VPS51: variants seen among roughly 807,000 people sequenced by gnomAD.
The protein encoded by VPS51 is VPS51 subunit of GARP complex, also known as vacuolar protein sorting-associated protein 51 homolog.
Under a neutral mutation model 65.1 loss-of-function variants are expected in VPS51, and 55 were observed. The observed-to-expected ratio is 0.84, with a 90% CI of 0.68 to 1.06. The LOEUF (loss-of-function observed/expected upper bound fraction) is 1.06, where lower values mean the gene tolerates loss of function less well. VPS51 is among the 50% of genes least tolerant of loss of function. The probability of loss-of-function intolerance (pLI) is 0.00; values close to 1 mark genes in which losing one functional copy is unlikely to be tolerated. For synonymous variants in VPS51, 473 were observed against 489.5 expected, an observed-to-expected ratio of 0.97 and a Z score of 0.44; for missense variants, 943 against 1,101.6, an observed-to-expected ratio of 0.86 and a Z score of 2.04.
At position 65,108,190 on chromosome 11, in the gene VPS51, C is replaced by A; in HGVS notation, c.726-7C>A. The A allele has an allele frequency of 6.3e-7, 1 of 1,598,644 alleles. No individual in the cohort carries two copies. The highest frequency in any genetic ancestry group is 8.5e-7 in the Non-Finnish European group (1 of 1,176,856). On this transcript the variant is annotated splice_region_variant and splice_polypyrimidine_tract_variant and intron_variant, in intron 4 of 9. Transcript: ENST00000279281. Reference sequence around the variant, plus strand: ...GCCCTGCCCTTCACTACCTCTCCCTCGTGCAGGGAGGGCGGCTCAGGCGCC... The same window carrying A: ...GCCCTGCCCTTCACTACCTCTCCCTAGTGCAGGGAGGGCGGCTCAGGCGCC...
intron 2 of VPS51, among the ~76,000 whole-genome samples, chr11:65,102,801 G>A (rs183616263): frequency 6.6e-6 from 1 of 152,220 alleles, no homozygotes; most frequent in Admixed American, 6.5e-5. Context: ...TCACTGCATA[G>A]CGCTGCCTTT....
intron 2 of VPS51, among the ~76,000 whole-genome samples, chr11:65,097,392 G>C (rs903917236): frequency 2.0e-5 from 3 of 152,178 alleles, no homozygotes; most frequent in Admixed American, 6.5e-5. Context: ...ACAATGTCTT[G>C]TTCTGTCTCC....
intron 1 of VPS51, chr11:65,096,772 C>T (rs1446436748): frequency 1.4e-6 from 1 of 719,562 alleles, no homozygotes; most frequent in Non-Finnish European, 2.2e-6. Flanking sequence ...GGGCTTAGGC[C>T]GAGCCCCAGG....
rs769706575 is a variant in VPS51 at position 65,107,814 on chromosome 11, C to G, written c.517C>G (p.Leu173Val). ...CCTCCGTCCCCCAGGGGTCCACGCG[C>G]TGCTGCGGAAGCTGCAGTTCCTCTT... ...RITKLAGVHALLRKLQFLFEL... is the reference protein window; with the variant it reads ...RITKLAGVHAVLRKLQFLFEL... Residue 173 changes from leucine (L) to valine (V), a missense_variant, in exon 4 of 10, where the codon CTG becomes GTG. Coordinates refer to ENST00000279281, the MANE Select transcript of VPS51 (RefSeq NM_013265.4). The surrounding 1 kb of genome is among the most constrained non-coding windows in gnomAD (Gnocchi z 4.0). 1 of 1,569,588 alleles carries G rather than the reference C, an allele frequency of 6.4e-7. No individual in the cohort carries two copies. Among genetic ancestry groups the G allele is most frequent in the South Asian group, 1.2e-5 (1 of 86,780 alleles).
At position 65,107,383 on chromosome 11, in the gene VPS51, C is replaced by A; in HGVS notation, c.359-198C>A. 1.5e-6 allele frequency: 1 copy of A among 668,366 alleles called. No individual in the cohort carries two copies. 41.4% of individuals were successfully genotyped at this position (668,366 alleles called of 1,614,324 possible). A position where few individuals can be genotyped will look rare whatever the true frequency, so the allele number is the denominator to read the frequency against. ...GGTTACGGGGAGTATGTGAGTAACG[C>A]CTGCTTTGGGAACATAAACCCCCTC... On this transcript the variant is annotated intron_variant, in intron 2 of 9. Coordinates refer to ENST00000279281, the MANE Select transcript of VPS51 (RefSeq NM_013265.4). This position sits in a 1 kb window ranked among gnomAD's most constrained non-coding sequence, Gnocchi z 4.0.
intron 4 of VPS51, 39 bp downstream of exon 4, chr11:65,108,061 C>T: frequency 6.7e-7 from 1 of 1,487,666 alleles, no homozygotes; most frequent in Non-Finnish European, 8.9e-7. Flanking sequence ...CTCCCGCCAG[C>T]CCCGAGCCCC....
Position 65,096,273 on chromosome 11 carries a change from G to A in VPS51, c.23G>A (p.Gly8Glu). 6.6e-7 allele frequency: 1 copy of A among 1,517,778 alleles called. No individual in the cohort carries two copies. Among genetic ancestry groups the A allele is most frequent in the Non-Finnish European group, 8.8e-7 (1 of 1,136,852 alleles). The allele number at this position is 1,517,778 out of a possible 1,614,324, so 94.0% of individuals were successfully genotyped here. A position where few individuals can be genotyped will look rare whatever the true frequency, so the allele number is the denominator to read the frequency against. Residue 8 changes from glycine (G) to glutamate (E), a missense_variant, in exon 1 of 10, where the codon GGG becomes GAG. This residue lies in a region of VPS51 where 855 missense variants were observed against 953.7 expected (regional missense o/e 0.90). Coordinates refer to ENST00000279281, the MANE Select transcript of VPS51 (RefSeq NM_013265.4). MAAAAAA[G>E]PSPGSGPGDS... ...ACGATGGCGGCGGCAGCTGCCGCCGGGCCTAGCCCGGGGTCTGGACCTGGG... is the reference window on the plus strand; with the variant it reads ...ACGATGGCGGCGGCAGCTGCCGCCGAGCCTAGCCCGGGGTCTGGACCTGGG...
intron 2 of VPS51, among the ~76,000 whole-genome samples, chr11:65,105,238 A>C (rs1388106043): frequency 6.6e-6 from 1 of 152,008 alleles, no homozygotes; most frequent in Non-Finnish European, 1.5e-5. Context: ...TAAAAGTACA[A>C]AAATTAGCCA....
At chr11:65,103,456 AC>A (rs1947822278) in intron 2 of VPS51, among the ~76,000 whole-genome samples, 2 of 152,116 alleles carry the variant, frequency 1.3e-5, no homozygotes, top group South Asian at 4.1e-4. Context: ...TACGTAATCT[AC>A]CTTTCCATGT....
At chr11:65,096,767 T>A in intron 1 of VPS51, 1 of 705,948 alleles carries the variant, frequency 1.4e-6, no homozygotes. Context: ...GGGCTGGGCT[T>A]AGGCCGAGCC....
At position 65,096,303 on chromosome 11, in the gene VPS51, C is replaced by G. The variant is rs1212936852; in HGVS notation, c.53C>G (p.Ser18Cys). Reference sequence around the variant, plus strand: ...AGCCCGGGGTCTGGACCTGGGGACTCCCCAGAAGGGCCCGAGGGGGAGGCT... The same window carrying G: ...AGCCCGGGGTCTGGACCTGGGGACTGCCCAGAAGGGCCCGAGGGGGAGGCT... Reference protein sequence around the residue: ...GPSPGSGPGDSPEGPEGEAPE... With the variant: ...GPSPGSGPGDCPEGPEGEAPE... Residue 18 changes from serine (S) to cysteine (C), a missense_variant, in exon 1 of 10, where the codon TCC becomes TGC. By Grantham distance (112) the Ser-to-Cys change is moderately radical (BLOSUM62 -1). Transcript: ENST00000279281. 1 of 1,514,886 alleles carries G rather than the reference C, an allele frequency of 6.6e-7. No individual in the cohort carries two copies. Among genetic ancestry groups the G allele is most frequent in the Admixed American group, 2.5e-5 (1 of 39,720 alleles). 93.8% of individuals were successfully genotyped at this position (1,514,886 alleles called of 1,614,324 possible).
In VPS51 at chr11:65,111,701, G is replaced by GCCT; in HGVS notation, c.*122_*124dup. On this transcript the variant is annotated 3_prime_UTR_variant, in exon 10 of 10. Coordinates refer to ENST00000279281, the MANE Select transcript of VPS51 (RefSeq NM_013265.4). ...AGGACCGGCCTAATAAACATGTGTG[G>GCCT]CCTCCTCCTCTCGCTTGCTGGGCGG... 3 of 1,414,162 alleles carry GCCT rather than the reference G, an allele frequency of 2.1e-6. No individual in the cohort carries two copies. The highest frequency in any genetic ancestry group is 2.8e-6 in the Non-Finnish European group (3 of 1,075,134). 87.6% of individuals were successfully genotyped at this position (1,414,162 alleles called of 1,614,324 possible).
Position 65,110,210 on chromosome 11 carries a change from A to G in VPS51, c.1879-272A>G, listed in dbSNP as rs1947883533. 10 of 633,702 alleles carry G rather than the reference A, an allele frequency of 1.6e-5. No individual in the cohort carries two copies. The South Asian group carries it at 1.8e-4, about 11-fold the overall frequency. 39.3% of individuals were successfully genotyped at this position (633,702 alleles called of 1,614,324 possible). ...ATCTTCGCCCCTATTTTACCTGTGG[A>G]GAAGCAGAGGCTCAGGGTTACCCAG... is the stretch of plus-strand genomic sequence containing the variant. On this transcript the variant is annotated intron_variant, in intron 7 of 9. Coordinates refer to ENST00000279281, the MANE Select transcript of VPS51 (RefSeq NM_013265.4).
chr11:65,109,150 G>A (rs1947868954), intron 5 of VPS51, 130 bp from the exon 6 acceptor site: 2 of 1,135,562 alleles, frequency 1.8e-6, no homozygotes, highest in Admixed American at 2.7e-5. Flanking sequence ...CTGCTCCGGG[G>A]TACTTAGAAT....
At position 65,111,456 on chromosome 11, in the gene VPS51, TG is replaced by T; in HGVS notation, c.2220del (p.Trp740CysfsTer98). On this transcript the variant is annotated frameshift_variant, in exon 10 of 10. Coordinates refer to ENST00000279281, the MANE Select transcript of VPS51 (RefSeq NM_013265.4). LOFTEE classifies it high-confidence loss of function. ...CTGCCACTTTCTGCAGCTCTACCTG[TG>T]GCGTTTTGTGGCCGACGAAGAACTC... ...VDCHFLQLYL[W>X]RFVADEELVH... 6.2e-7 allele frequency: 1 copy of T among 1,613,978 alleles called. No individual in the cohort carries two copies. Among genetic ancestry groups the T allele is most frequent in the South Asian group, 1.1e-5 (1 of 91,092 alleles).
rs1440896178 is a variant in VPS51, at chr11:65,106,616, T to C, written c.359-965T>C. 3.3e-5 allele frequency among the ~76,000 whole-genome samples: 5 copies of C among 152,128 alleles called. No homozygotes were observed. In the East Asian group the frequency reaches 9.7e-4, roughly 29 times the overall value. The stretch of plus-strand genomic sequence containing the variant: ...AATACAAAAAATTAGCTGGGTGTGG[T>C]GGCAGGCACCTGTAGTCCCAGCTAC... On this transcript the variant is annotated intron_variant, in intron 2 of 9. Transcript: ENST00000279281.
chr11:65,108,010 G>C lies in VPS51; in HGVS notation c.713G>C (p.Arg238Pro). 6.5e-7 allele frequency: 1 copy of C among 1,530,942 alleles called. No individual in the cohort carries two copies. Among genetic ancestry groups the C allele is most frequent in the African/African-American group, 1.4e-5 (1 of 73,092 alleles). 94.8% of individuals were successfully genotyped at this position (1,530,942 alleles called of 1,614,324 possible). Residue 238 changes from arginine to proline, a missense_variant, in exon 4 of 10, where the codon CGG (arginine) becomes CCG (proline). By Grantham distance (103) the Arg-to-Pro change is moderately radical. This residue lies in a region of VPS51 where 855 missense variants were observed against 953.7 expected (regional missense o/e 0.90). Transcript: ENST00000279281. ...VITARLAQQL[R>P]QRFREGGSGA... ...ACGGCCCGCCTGGCCCAGCAGCTGC[G>C]GCAGCGCTTTAGGTGTGGCCCCTCT...
intron 1 of VPS51, 29 bp downstream of exon 1, chr11:65,096,507 C>CGCTGGGGGTGGGGGGGGGGG: frequency 2.8e-6 from 1 of 362,220 alleles, no homozygotes. Context: ...TGGGGGGGTG[C>CGCTGGGGGTGGGGGGGGGGG]GGGGAGGGGG....
rs758365746 is a variant in VPS51, at chr11:65,110,629, G to T, written c.2000+26G>T. 3 of 1,614,016 alleles carry T rather than the reference G, an allele frequency of 1.9e-6. No homozygotes were observed. The South Asian group carries it at 3.3e-5, about 18-fold the overall frequency. On this transcript the variant is annotated intron_variant, in intron 8 of 9. Coordinates refer to ENST00000279281, the MANE Select transcript of VPS51 (RefSeq NM_013265.4). ...GTCTGGCTGGTCAGGGGAGCCCCAG[G>T]GGGAAGGGACAAAAGAGGGCGAGGG...
Sources: gnomAD v4.1 joint callset for allele counts (sites outside exome capture counted in the v4.1 genomes callset) on GRCh38, gnomAD v4.1.1 for gene constraint, gnomAD v4.1.1 regional missense constraint, Gnocchi (gnomAD v3.1) non-coding constraint, MANE v1.5 for transcripts, NCBI Gene and HGNC (gene_info 2026-07-23, HGNC 2026-07-21) for gene names.